Variants in MYH6 observed in about 807,000 individuals in gnomAD.
MYH6 encodes the protein myosin heavy chain 6, also known as myosin-6.
MYH6 carries 126 observed loss-of-function variants against 223.2 expected under a neutral mutation model. The ratio of observed to expected loss-of-function variants is 0.56; its 90% CI spans 0.49 to 0.65. The LOEUF is 0.65. Among genes scored for constraint, MYH6 ranks in the 30% least tolerant of loss-of-function variants. MYH6 has a pLI of 0.00. For missense variants in MYH6, 2,040 were observed against 2,536.4 expected (o/e 0.80, Z 4.20); for synonymous variants, 978 against 1,010.2 (o/e 0.97, Z 0.61).
chr14:23,402,566 T>C lies in MYH6; in HGVS notation c.1039A>G (p.Lys347Glu). 6.2e-7 allele frequency: 1 copy of C among 1,613,576 alleles called. No homozygotes were observed. Among genetic ancestry groups the C allele is most frequent in the East Asian group, 2.2e-5 (1 of 44,774 alleles). ...FDVLGFTSEE[K>E]AGVYKLTGAI... ...CCCGTCAGCTTGTAGACGCCAGCTT[T>C]CTCCTCTGAAGTGAAGCCCAGCACG... Residue 347 changes from lysine (K) to glutamate (E), a missense_variant, in exon 12 of 39, where the codon AAA becomes GAA. Lys to Glu is a moderately conservative substitution (Grantham distance 56). Coordinates refer to ENST00000405093, the MANE Select transcript of MYH6 (RefSeq NM_002471.4).
intron 14 of MYH6, chr14:23,399,971 C>A (rs1373403428): frequency 1.6e-5 from 8 of 487,830 alleles, no homozygotes; most frequent in African/African-American, 7.8e-5. Context: ...ATGAATGACG[C>A]TTCTCATGGG....
rs557825123 is a variant in MYH6, at chr14:23,395,602, C to T, written c.2429+682G>A. Among the ~76,000 whole-genome samples, 122 of 152,132 alleles carry T rather than the reference C, an allele frequency of 8.0e-4. 1 individual carries two copies. Among genetic ancestry groups the T allele is most frequent in the African/African-American group, 2.8e-3 (117 of 41,498 alleles). ...AGTGCAGTGGCTCGATCTTGGCTCACTGCAAGCTCTGCCTCCCGGGCTCAT... is the reference window on the plus strand; with the variant it reads ...AGTGCAGTGGCTCGATCTTGGCTCATTGCAAGCTCTGCCTCCCGGGCTCAT... On this transcript the variant is annotated intron_variant, in intron 20 of 38. Transcript: ENST00000405093.
At chr14:23,387,701 C>T (rs779726347) in intron 31 of MYH6, 48 bp from the exon 32 acceptor site, 7 of 1,614,014 alleles carry the variant, frequency 4.3e-6, no homozygotes, top group Admixed American at 3.3e-5. Context: ...TCCCCCTGCC[C>T]CTGCATGGCC....
chr14:23,384,750 G>A (rs748641885), intron 35 of MYH6, 33 bp from the exon 36 acceptor site: 67 of 1,614,070 alleles, frequency 4.2e-5, no homozygotes, highest in Middle Eastern at 1.7e-4. Flanking sequence ...AAGGAACATG[G>A]GCCAGGGGCC....
intron 9 of MYH6, 64 bp downstream of exon 9, chr14:23,403,651 C>A: frequency 1.4e-6 from 2 of 1,475,676 alleles, no homozygotes; most frequent in South Asian, 2.3e-5. Context: ...TGAGACTGGC[C>A]GCCAGGCAGG....
intron 20 of MYH6, among the ~76,000 whole-genome samples, 177 bp downstream of exon 20, chr14:23,396,103 TAAAA>T (rs71425088): frequency 1.4e-5 from 2 of 143,030 alleles, no homozygotes; most frequent in African/African-American, 5.2e-5. Flanking sequence ...GAAGTTTCTT[TAAAA>T]AAAAAAAAAG....
chr14:23,387,439 TGTCCTGGGGTCAGG>T, intron 32 of MYH6, 76 bp downstream of exon 32: 4 of 1,584,932 alleles, frequency 2.5e-6, no homozygotes, highest in Non-Finnish European at 3.4e-6. Flanking sequence ...GAATAGATTT[TGTCCTGGGGTCAGG>T]GTCACCCCCA....
At chr14:23,388,572 C>T in intron 29 of MYH6, 3 of 860,720 alleles carry the variant, frequency 3.5e-6, no homozygotes, top group Non-Finnish European at 6.1e-6. Flanking sequence ...ACCCCCCACA[C>T]AGGCTGATCG....
Position 23,389,246 on chromosome 14 carries a change from A to G in MYH6, c.3978+147T>C. The G allele has an allele frequency of 3.4e-6, 4 of 1,163,830 alleles. No individual in the cohort carries two copies. In the East Asian group the frequency reaches 7.0e-5, roughly 21 times the overall value. 72.1% of individuals were successfully genotyped at this position (1,163,830 alleles called of 1,614,324 possible). A position where few individuals can be genotyped will look rare whatever the true frequency, so the allele number is the denominator to read the frequency against. On this transcript the variant is annotated intron_variant, in intron 28 of 38. Coordinates refer to ENST00000405093, the MANE Select transcript of MYH6 (RefSeq NM_002471.4). Reference sequence around the variant, plus strand: ...TTACGAATAAGAAAAGAGGCATTAAATGACGCTTAGCTGCAGGGCAGAACC... The same window carrying G: ...TTACGAATAAGAAAAGAGGCATTAAGTGACGCTTAGCTGCAGGGCAGAACC...
intron 25 of MYH6, 36 bp downstream of exon 25, chr14:23,392,526 G>C (rs1273055790): frequency 2.1e-5 from 31 of 1,459,136 alleles, no homozygotes; most frequent in Non-Finnish European, 3.0e-5. Context: ...CAGGGCTATT[G>C]AGCTCCCACT....
At chr14:23,382,766 A>G (rs1429405852) in intron 37 of MYH6, among the ~76,000 whole-genome samples, 2 of 152,110 alleles carry the variant, frequency 1.3e-5, no homozygotes, top group Admixed American at 6.6e-5. Context: ...ACGGCCATCC[A>G]CTGCCCCAGA....
rs185570971 is a variant in MYH6, at chr14:23,393,148, G to A, written c.3106-91C>T. 1.3e-4 allele frequency: 203 copies of A among 1,559,944 alleles called. No individual in the cohort carries two copies. In the African/African-American group the frequency reaches 2.6e-3, roughly 20 times the overall value. On this transcript the variant is annotated intron_variant, in intron 23 of 38. Coordinates refer to ENST00000405093, the MANE Select transcript of MYH6 (RefSeq NM_002471.4). The stretch of plus-strand genomic sequence containing the variant: ...CTCCTTCTAAACTTGAAGTCCAGTG[G>A]GATTGGAAGTCAAACCAACAGAGAA...
chr14:23,403,793 G>C lies in MYH6; in HGVS notation c.736-15C>G. The C allele has an allele frequency of 1.2e-6, 2 of 1,604,940 alleles. No homozygotes were observed. The highest frequency in any genetic ancestry group is 1.7e-6 in the Non-Finnish European group (2 of 1,174,488). The stretch of plus-strand genomic sequence containing the variant: ...ATGAATTTCCCCTGGGGACGAATGG[G>C]ACAGAGTGAGGGAACTGGCGGGAAG... On this transcript the variant is annotated splice_polypyrimidine_tract_variant and intron_variant, in intron 8 of 38. Coordinates refer to ENST00000405093, the MANE Select transcript of MYH6 (RefSeq NM_002471.4).
intron 15 of MYH6, among the ~76,000 whole-genome samples, chr14:23,398,025 C>CTTCTTCTTCT: frequency 1.4e-5 from 1 of 73,152 alleles, no homozygotes; most frequent in Admixed American, 1.7e-4. Context: ...CTTCTTCTTC[C>CTTCTTCTTCT]TTCTATTTTT....
chr14:23,387,497 G>A (rs770516722), intron 32 of MYH6, 32 bp downstream of exon 32: 2 of 1,611,078 alleles, frequency 1.2e-6, no homozygotes, highest in Non-Finnish European at 1.7e-6. Context: ...CGGCAGAACA[G>A]GGATGGGGTG....
At position 23,392,545 on chromosome 14, in the gene MYH6, C is replaced by G; in HGVS notation, c.3342+17G>C. 6.3e-7 allele frequency: 1 copy of G among 1,585,392 alleles called. No homozygotes were observed. Among genetic ancestry groups the G allele is most frequent in the Non-Finnish European group, 8.7e-7 (1 of 1,154,360 alleles). ...GCTATTGAGCTCCCACTTTCATGCACTGGGAAAAAAAGTCACCTGGTTTTC... is the reference window on the plus strand; with the variant it reads ...GCTATTGAGCTCCCACTTTCATGCAGTGGGAAAAAAAGTCACCTGGTTTTC... On this transcript the variant is annotated intron_variant, in intron 25 of 38. Transcript: ENST00000405093.
intron 24 of MYH6, 106 bp from the exon 25 acceptor site, chr14:23,392,758 C>T: frequency 1.4e-6 from 2 of 1,459,978 alleles, no homozygotes; most frequent in Non-Finnish European, 1.9e-6. Context: ...TCCCCCTCCC[C>T]TCGCCAGCCC....
At chr14:23,406,947 C>T in intron 3 of MYH6, 76 bp downstream of exon 3, 2 of 1,505,708 alleles carry the variant, frequency 1.3e-6, no homozygotes, top group East Asian at 2.3e-5. Context: ...CTCAGCTCCC[C>T]CTGCAAGTGG....
rs532779592 is a variant in MYH6, at chr14:23,401,080, C to T, written c.1142-103G>A. ...TGAGTGCAGTGGCACGATCTTGGCTCACTACAGCCTCCACCTCCTGGGTTC... is the reference window on the plus strand; with the variant it reads ...TGAGTGCAGTGGCACGATCTTGGCTTACTACAGCCTCCACCTCCTGGGTTC... On this transcript the variant is annotated intron_variant, in intron 12 of 38. Transcript: ENST00000405093. 3 of 1,525,918 alleles carry T rather than the reference C, an allele frequency of 2.0e-6. No individual in the cohort carries two copies. The South Asian group carries it at 3.6e-5, about 18-fold the overall frequency. 94.5% of individuals were successfully genotyped at this position (1,525,918 alleles called of 1,614,324 possible).
Sources: allele counts gnomAD v4.1 joint callset (sites outside exome capture counted in the v4.1 genomes callset), GRCh38; gene constraint gnomAD v4.1.1; transcripts MANE v1.5; gene names NCBI Gene and HGNC (gene_info 2026-07-23, HGNC 2026-07-21).